BICRA: variants seen among roughly 807,000 people sequenced by gnomAD.
BICRA encodes BRD4 interacting chromatin remodeling complex associated protein, also known as BRD4-interacting chromatin-remodeling complex-associated protein.
Under a neutral mutation model 96.9 loss-of-function variants are expected in BICRA, and 31 were observed. The observed-to-expected ratio is 0.32, with a 90% CI of 0.24 to 0.43. The LOEUF (loss-of-function observed/expected upper bound fraction) is 0.43, where lower values mean the gene tolerates loss of function less well. BICRA is among the 20% of genes least tolerant of loss of function. The pLI, the probability that BICRA is intolerant of heterozygous loss-of-function variation, is 1.00. For synonymous variants in BICRA, 1,350 were observed against 1,071.8 expected (o/e 1.26, Z -5.07); for missense variants, 2,283 against 2,190.3 (o/e 1.04, Z -0.84).
intron 9 of BICRA, 51 bp from the exon 10 acceptor site, chr19:47,695,314 C>A (rs1056827652): frequency 5.0e-6 from 4 of 797,536 alleles, no homozygotes; most frequent in Non-Finnish European, 8.5e-6. Context: ...GAGGAGGGGG[C>A]CTTCATGCAG....
rs2123588513 is a variant in BICRA, at chr19:47,681,079, C to T, written c.1909C>T (p.Leu637=). The T allele has an allele frequency of 6.9e-7, 1 of 1,445,482 alleles. No individual in the cohort carries two copies. The highest frequency in any genetic ancestry group is 2.6e-5 in the East Asian group (1 of 38,376). 89.5% of individuals were successfully genotyped at this position (1,445,482 alleles called of 1,614,324 possible). A position where few individuals can be genotyped will look rare whatever the true frequency, so the allele number is the denominator to read the frequency against. The part of the protein sequence containing the change: ...APPAVSTPLP[L]GLQQPQAQQP... ...CCCCGCGGTCAGCACACCCCTGCCC[C>T]TGGGCCTCCAGCAGCCGCAGGCGCA... is the stretch of plus-strand genomic sequence containing the variant. Residue 637 remains leucine, a synonymous_variant, in exon 6 of 15, where the codon CTG becomes TTG. Transcript: ENST00000594866.
At chr19:47,609,376 CT>C (rs774981061) in intron 1 of BICRA, among the ~76,000 whole-genome samples, 17,779 of 27,622 alleles carry the variant, frequency 0.64, 6,622 homozygotes, top group Non-Finnish European at 0.7. Context: ...CCGCTGCCTC[CT>C]TTTTTTTTTT....
At chr19:47,619,791 G>T (rs1483499263) in intron 1 of BICRA, among the ~76,000 whole-genome samples, 1 of 152,170 alleles carries the variant, frequency 6.6e-6, no homozygotes, top group African/African-American at 2.4e-5. Flanking sequence ...ATCTAATCTG[G>T]AGGCTGAGGT....
chr19:47,695,612 G>A (rs1973328174), intron 10 of BICRA, 138 bp downstream of exon 10: 7 of 614,398 alleles, frequency 1.1e-5, no homozygotes, highest in South Asian at 3.9e-5. Context: ...GAGACACCAC[G>A]AACAGCCGTG....
chr19:47,636,493 T>G (rs896662074), intron 1 of BICRA, among the ~76,000 whole-genome samples: 5 of 152,192 alleles, frequency 3.3e-5, no homozygotes, highest in Non-Finnish European at 5.9e-5. Context: ...ATTACAGATG[T>G]GAGCTACTGC....
In BICRA at chr19:47,702,144, C is replaced by T. The variant is rs1973468729; in HGVS notation, c.4412C>T (p.Pro1471Leu). Reference protein sequence around the residue: ...DPDWEAPGLPPAKRRKSESPD... With the variant: ...DPDWEAPGLPLAKRRKSESPD... ...GACTGGGAGGCGCCCGGGCTGCCCC[C>T]TGCCAAGCGGCGCAAGTCCGAGTCG... The change falls in exon 15 of 15, where the codon CCT becomes CTT. Residue 1471 changes from proline (P) to leucine (L), a missense_variant. By Grantham distance (98) the Pro-to-Leu change is moderately conservative. Coordinates refer to ENST00000594866, the MANE Select transcript of BICRA (RefSeq NM_001394372.1). 1.9e-6 allele frequency: 3 copies of T among 1,550,212 alleles called. No individual in the cohort carries two copies. Among genetic ancestry groups the T allele is most frequent in the Non-Finnish European group, 1.7e-6 (2 of 1,156,118 alleles).
At chr19:47,622,038 C>T (rs1236621115) in intron 1 of BICRA, among the ~76,000 whole-genome samples, 2 of 151,716 alleles carry the variant, frequency 1.3e-5, no homozygotes, top group Non-Finnish European at 2.9e-5. Context: ...GCGATTTTGG[C>T]CCACTGCAAC....
chr19:47,622,845 C>T (rs1355062817), intron 1 of BICRA, among the ~76,000 whole-genome samples: 1 of 151,808 alleles, frequency 6.6e-6, no homozygotes, highest in Non-Finnish European at 1.5e-5. Flanking sequence ...CAAGACCAGC[C>T]TGGGCAACAT....
At chr19:47,686,599 G>T (rs1042611728) in intron 7 of BICRA, among the ~76,000 whole-genome samples, 1 of 152,074 alleles carries the variant, frequency 6.6e-6, no homozygotes, top group African/African-American at 2.4e-5. Context: ...GCCGAGGGTG[G>T]TCTCAAACTC....
chr19:47,636,710 G>T (rs1972305151), intron 1 of BICRA, among the ~76,000 whole-genome samples: 1 of 152,130 alleles, frequency 6.6e-6, no homozygotes, highest in South Asian at 2.1e-4. Flanking sequence ...ATTTCACCAT[G>T]TTGGCCAGGC....
intron 1 of BICRA, among the ~76,000 whole-genome samples, chr19:47,622,434 G>A (rs1310395026): frequency 6.7e-6 from 1 of 148,518 alleles, no homozygotes; most frequent in Non-Finnish European, 1.5e-5. Flanking sequence ...TTAAAAATAT[G>A]TAGGAGTGGG....
intron 1 of BICRA, among the ~76,000 whole-genome samples, chr19:47,656,987 G>A (rs1372215743): frequency 2.0e-5 from 3 of 151,382 alleles, no homozygotes; most frequent in East Asian, 2.0e-4. Context: ...TCAGCCTCCC[G>A]AGTAGCTGGG....
chr19:47,678,887 TTTCTTTTTTTC>T (rs1226220253), intron 5 of BICRA: 2 of 189,950 alleles, frequency 1.1e-5, no homozygotes, highest in African/African-American at 2.3e-5. Flanking sequence ...TTCTTTTTTT[TTTCTTTTTTTC>T]TTCTTTTTTT....
At position 47,699,237 on chromosome 19, in the gene BICRA, C is replaced by A; in HGVS notation, c.3493-66C>A. The A allele has an allele frequency of 1.0e-6, 1 of 967,534 alleles. No individual in the cohort carries two copies. Among genetic ancestry groups the A allele is most frequent in the East Asian group, 2.6e-5 (1 of 38,292 alleles). The allele number at this position is 967,534 out of a possible 1,614,324, so 59.9% of individuals were successfully genotyped here. ...AGTTTGGACCTTGCACGCATCGTCC[C>A]CGTCGCTCGCGCCCCTTCCCCCTTC... On this transcript the variant is annotated intron_variant, in intron 13 of 14. Coordinates refer to ENST00000594866, the MANE Select transcript of BICRA (RefSeq NM_001394372.1). This position sits in a 1 kb window ranked among gnomAD's most constrained non-coding sequence, Gnocchi z 5.0.
intron 7 of BICRA, among the ~76,000 whole-genome samples, chr19:47,685,786 T>TGTGTGCGCGCGTGC: frequency 5.1e-5 from 6 of 117,970 alleles, no homozygotes; most frequent in South Asian, 6.1e-4. Context: ...TGTGTGTGTG[T>TGTGTGCGCGCGTGC]GCGCGCGCGC....
Position 47,686,086 on chromosome 19 carries a change from G to A in BICRA, c.2283+3934G>A, listed in dbSNP as rs570342190. Among the ~76,000 whole-genome samples the A allele has an allele frequency of 7.5e-4, 113 of 150,348 alleles. 1 individual carries two copies. Among genetic ancestry groups the A allele is most frequent in the African/African-American group, 2.6e-3 (107 of 40,950 alleles). ...GCTGGGACTACAGGCGCACGCCACC[G>A]CATCCAGCTAATATTTGTATTTTTA... On this transcript the variant is annotated intron_variant, in intron 7 of 14. Transcript: ENST00000594866.
chr19:47,689,358 C>T (rs2123600242), intron 7 of BICRA, among the ~76,000 whole-genome samples: 1 of 152,168 alleles, frequency 6.6e-6, no homozygotes, highest in South Asian at 2.1e-4. Context: ...CCTGCCTTGG[C>T]CTCCGAGAGT....
chr19:47,644,699 C>T (rs1286521200), intron 1 of BICRA, among the ~76,000 whole-genome samples: 1 of 151,972 alleles, frequency 6.6e-6, no homozygotes, highest in Non-Finnish European at 1.5e-5. Flanking sequence ...TGAGGTTTTG[C>T]TATGTTGGCC....
chr19:47,663,793 TACACACACACAC>T (rs55750048), intron 1 of BICRA: 1 of 150,712 alleles, frequency 6.6e-6, no homozygotes, highest in South Asian at 2.1e-4. Context: ...TGTGTCGCAG[TACACACACACAC>T]ACACACACAC....
Sources: gnomAD v4.1 joint callset for allele counts (sites outside exome capture counted in the v4.1 genomes callset) on GRCh38, gnomAD v4.1.1 for gene constraint, Gnocchi (gnomAD v3.1) non-coding constraint, MANE v1.5 for transcripts, NCBI Gene and HGNC (gene_info 2026-07-23, HGNC 2026-07-21) for gene names.